ADAMTS9: variants seen among roughly 807,000 people sequenced by gnomAD.
The protein encoded by ADAMTS9 is ADAM metallopeptidase with thrombospondin type 1 motif 9.
In ADAMTS9, 107 loss-of-function variants were observed where a neutral mutation model predicts 257.1. That is an observed-to-expected ratio of 0.42 (90% CI 0.36 to 0.49). ADAMTS9 has a LOEUF of 0.49. ADAMTS9 is among the 20% of genes least tolerant of loss of function. The probability of loss-of-function intolerance (pLI) is 0.03; values close to 1 mark genes in which losing one functional copy is unlikely to be tolerated. For synonymous variants in ADAMTS9, 982 were observed against 880.9 expected (o/e 1.11, Z -2.03); for missense variants, 2,353 against 2,469.1 (o/e 0.95, Z 1.00).
intron 6 of ADAMTS9, 27 bp from the exon 7 acceptor site, chr3:64,654,639 G>T (rs750231853): frequency 6.2e-7 from 1 of 1,613,046 alleles, no homozygotes; most frequent in Non-Finnish European, 8.5e-7. Flanking sequence ...CTTAGGCCTT[G>T]ATGACATCAA....
At chr3:64,678,780 G>A (rs28584818) in intron 3 of ADAMTS9, among the ~76,000 whole-genome samples, 17,026 of 152,226 alleles carry the variant, frequency 0.11, 1,491 homozygotes, top group African/African-American at 0.24. Flanking sequence ...ACCTGCTGGT[G>A]AATCGTGCCA....
intron 31 of ADAMTS9, chr3:64,550,578 G>C: frequency 3.3e-6 from 1 of 305,836 alleles, no homozygotes. Flanking sequence ...ACTGTCTTCA[G>C]GCACCTCACA....
At chr3:64,538,828 CT>C (rs973059765) in intron 37 of ADAMTS9, among the ~76,000 whole-genome samples, 117 of 148,034 alleles carry the variant, frequency 7.9e-4, no homozygotes, top group African/African-American at 2.3e-3. Flanking sequence ...AAAGCAGGAC[CT>C]TTTTTTTTTA....
chr3:64,635,453 T>C (rs1412293915), intron 12 of ADAMTS9, among the ~76,000 whole-genome samples: 1 of 152,228 alleles, frequency 6.6e-6, no homozygotes, highest in Non-Finnish European at 1.5e-5. Context: ...AGACTGCATC[T>C]AGGGATGTAA....
chr3:64,611,110 A>G (rs917388774), intron 22 of ADAMTS9, among the ~76,000 whole-genome samples: 7 of 151,258 alleles, frequency 4.6e-5, no homozygotes, highest in African/African-American at 1.7e-4. Context: ...AGTTAAACTC[A>G]GAATTACGGT....
intron 28 of ADAMTS9, among the ~76,000 whole-genome samples, chr3:64,571,043 T>C (rs1004709417): frequency 4.6e-5 from 7 of 152,200 alleles, no homozygotes; most frequent in Non-Finnish European, 1.0e-4. Flanking sequence ...GTCACTTCAA[T>C]ATACAAATAG....
chr3:64,651,180 A>C lies in ADAMTS9; in HGVS notation c.1317-17T>G, dbSNP rs778500058. On this transcript the variant is annotated splice_polypyrimidine_tract_variant and intron_variant, in intron 8 of 39. Coordinates refer to ENST00000498707, the MANE Select transcript of ADAMTS9 (RefSeq NM_182920.2). ...ATGTTAAACCTAAAGCCAATGAGACAATGATGAGAATGTCAATAAACACCA... is the reference window on the plus strand; with the variant it reads ...ATGTTAAACCTAAAGCCAATGAGACCATGATGAGAATGTCAATAAACACCA... The C allele has an allele frequency of 6.4e-7, 1 of 1,550,862 alleles. No homozygotes were observed.
In ADAMTS9 at chr3:64,557,405, A is replaced by C. The variant is rs1272451122; in HGVS notation, c.4698+4173T>G. 2.6e-5 allele frequency among the ~76,000 whole-genome samples: 4 copies of C among 152,322 alleles called. No homozygotes were observed. In the East Asian group the frequency reaches 7.7e-4, roughly 29 times the overall value. ...TAACAAGTAAATCCTTTGTGATAAT[A>C]ATTCTCAAAAGAATTAAAAAGTCTT... is the stretch of plus-strand genomic sequence containing the variant. On this transcript the variant is annotated intron_variant, in intron 30 of 39. Transcript: ENST00000498707.
chr3:64,644,794 A>C (rs968811207), intron 11 of ADAMTS9, among the ~76,000 whole-genome samples: 1 of 152,240 alleles, frequency 6.6e-6, no homozygotes, highest in Non-Finnish European at 1.5e-5. Context: ...ACACAAGAGC[A>C]AATTCCAAAT....
intron 37 of ADAMTS9, 50 bp downstream of exon 37, chr3:64,539,153 G>T: frequency 6.5e-7 from 1 of 1,530,054 alleles, no homozygotes; most frequent in South Asian, 1.1e-5. Context: ...ATGTTCCCGG[G>T]AAAGGTGGGA....
At position 64,602,156 on chromosome 3, in the gene ADAMTS9, T is replaced by A; in HGVS notation, c.3805A>T (p.Ser1269Cys). Residue 1269 changes from serine (S) to cysteine (C), a missense_variant, in exon 26 of 40, where the codon AGT becomes TGT. Ser to Cys is a moderately radical substitution (Grantham distance 112). Around this residue, in one of 3 missense-constraint regions of ADAMTS9, gnomAD observed 1,402 missense variants for 1,441.4 expected, o/e 0.97. Transcript: ENST00000498707. ...ATRQVMCVNY[S>C]DHVIDRSECD... ...TCACTCCGATCGATCACGTGGTCAC[T>A]GTAGTTGACACACATCACTTGCCGG... 1 of 1,614,118 alleles carries A rather than the reference T, an allele frequency of 6.2e-7. No homozygotes were observed. Among genetic ancestry groups the A allele is most frequent in the Non-Finnish European group, 8.5e-7 (1 of 1,179,992 alleles).
chr3:64,547,298 C>T (rs1263590711), intron 31 of ADAMTS9, among the ~76,000 whole-genome samples: 1 of 151,808 alleles, frequency 6.6e-6, no homozygotes, highest in Admixed American at 6.6e-5. Flanking sequence ...CACAGGTTGG[C>T]AAACTGCTCT....
intron 25 of ADAMTS9, among the ~76,000 whole-genome samples, chr3:64,603,552 A>G (rs2084503257): frequency 6.6e-6 from 1 of 152,108 alleles, no homozygotes; most frequent in Admixed American, 6.6e-5. Context: ...TGCAGGAGGA[A>G]TCTAGACTCA....
intron 28 of ADAMTS9, among the ~76,000 whole-genome samples, chr3:64,592,075 A>G (rs2084272949): frequency 6.6e-6 from 1 of 152,216 alleles, no homozygotes; most frequent in Non-Finnish European, 1.5e-5. Flanking sequence ...AAAACTCTAC[A>G]GTAAGAATCT....
At chr3:64,615,231 G>C (rs2084739182) in intron 21 of ADAMTS9, 90 bp downstream of exon 21, 18 of 1,425,092 alleles carry the variant, frequency 1.3e-5, no homozygotes, top group Admixed American at 2.1e-5. Context: ...TGGGAGAAAG[G>C]TGCACAAGGG....
chr3:64,557,045 G>C (rs553897124), intron 30 of ADAMTS9, among the ~76,000 whole-genome samples: 3 of 152,176 alleles, frequency 2.0e-5, no homozygotes, highest in Non-Finnish European at 4.4e-5. Context: ...AGTAATCTGC[G>C]TGTGTTGTGA....
intron 8 of ADAMTS9, 45 bp downstream of exon 8, chr3:64,654,308 T>C (rs771786314): frequency 6.4e-7 from 1 of 1,568,360 alleles, no homozygotes; most frequent in East Asian, 2.2e-5. Context: ...GAATAAAAGG[T>C]TTAGGTCACT....
intron 3 of ADAMTS9, among the ~76,000 whole-genome samples, chr3:64,667,366 C>T (rs1701374538): frequency 1.3e-5 from 2 of 152,230 alleles, no homozygotes; most frequent in Non-Finnish European, 2.9e-5. Flanking sequence ...GATTGCCAAA[C>T]TTACGGGATC....
At chr3:64,617,780 G>A (rs1432062014) in intron 19 of ADAMTS9, among the ~76,000 whole-genome samples, 1 of 152,090 alleles carries the variant, frequency 6.6e-6, no homozygotes, top group African/African-American at 2.4e-5. Flanking sequence ...CTCCACAGGG[G>A]GAAGGAGATT....
Sources: allele counts gnomAD v4.1 joint callset (sites outside exome capture counted in the v4.1 genomes callset), GRCh38; gene constraint gnomAD v4.1.1; regional missense constraint gnomAD v4.1.1; transcripts MANE v1.5; gene names NCBI Gene and HGNC (gene_info 2026-07-23, HGNC 2026-07-21).